HELZ: variants seen among roughly 807,000 people sequenced by gnomAD.
The protein encoded by HELZ is helicase with zinc finger.
HELZ carries 23 observed loss-of-function variants against 218.2 expected under a neutral mutation model. That is an observed-to-expected ratio of 0.11 (90% CI 0.08 to 0.15). The LOEUF is 0.15. Ranked by LOEUF, HELZ falls within the 10% of genes least tolerant of loss-of-function variation. The pLI is 1.00. For synonymous variants in HELZ, 814 were observed against 829.4 expected, an observed-to-expected ratio of 0.98 and a Z score of 0.32; for missense variants, 1,813 against 2,353.7, an observed-to-expected ratio of 0.77 and a Z score of 4.75.
intron 7 of HELZ, among the ~76,000 whole-genome samples, chr17:67,200,154 T>C (rs755493594): frequency 3.3e-4 from 51 of 152,326 alleles, no homozygotes; most frequent in Non-Finnish European, 6.5e-4. Context: ...AATTAATCAC[T>C]GTACATGGGC....
intron 24 of HELZ, among the ~76,000 whole-genome samples, chr17:67,127,854 A>AG (rs1267430236): frequency 3.9e-5 from 6 of 152,036 alleles, no homozygotes; most frequent in Admixed American, 2.6e-4. Flanking sequence ...AAAAAAAAAA[A>AG]AGATTTACAT....
chr17:67,136,709 T>C (rs922899006), intron 22 of HELZ, among the ~76,000 whole-genome samples: 9 of 152,178 alleles, frequency 5.9e-5, no homozygotes, highest in Admixed American at 5.9e-4. Context: ...GGACAAATAC[T>C]ATATAATTCC....
At position 67,093,839 on chromosome 17, in the gene HELZ, T is replaced by A. The variant is rs139655007; in HGVS notation, c.5242-6758A>T. Among the ~76,000 whole-genome samples the A allele has an allele frequency of 3.5e-3, 538 of 152,342 alleles. 4 individuals are homozygous for A. Among genetic ancestry groups the A allele is most frequent in the Non-Finnish European group, 6.5e-3 (443 of 68,024 alleles). On this transcript the variant is annotated intron_variant, in intron 31 of 32. Transcript: ENST00000358691. The stretch of plus-strand genomic sequence containing the variant: ...AAACAAATAAATTGCATTATTTTCA[T>A]ACAATTTCTAAAGTAATTTTAATGT...
In HELZ at chr17:67,073,828, G is replaced by A. The variant is rs570607371; in HGVS notation, c.*4424C>T. 2 of 152,294 alleles carry A rather than the reference G, an allele frequency of 1.3e-5. No homozygotes were observed. The highest frequency in any genetic ancestry group is 3.9e-4 in the East Asian group (2 of 5,188). The allele number at this position is 152,294 out of a possible 1,614,324, so 9.4% of individuals were successfully genotyped here. A position where few individuals can be genotyped will look rare whatever the true frequency, so the allele number is the denominator to read the frequency against. On this transcript the variant is annotated 3_prime_UTR_variant, in exon 33 of 33. Coordinates refer to ENST00000358691, the MANE Select transcript of HELZ (RefSeq NM_014877.4). Reference sequence around the variant, plus strand: ...TTGACATTACTGATTAAAAAGGTATGAAAGTAGAAAGTGTGAATTTAGCAG... The same window carrying A: ...TTGACATTACTGATTAAAAAGGTATAAAAGTAGAAAGTGTGAATTTAGCAG...
intron 31 of HELZ, among the ~76,000 whole-genome samples, chr17:67,101,080 A>C (rs1420573653): frequency 6.7e-6 from 1 of 149,160 alleles, no homozygotes; most frequent in African/African-American, 2.5e-5. Context: ...ACTGCACTGC[A>C]GCCTGGGTGA....
chr17:67,228,357 C>A lies in HELZ; in HGVS notation c.-18-9535G>T, dbSNP rs941115067. Among the ~76,000 whole-genome samples the A allele has an allele frequency of 2.0e-5, 3 of 152,146 alleles. No individual in the cohort carries two copies. In the East Asian group the frequency reaches 5.8e-4, roughly 29 times the overall value. ...TTAAGTTAGTTATTTGCCATTAATT[C>A]TTCTAATTGCTTTCCTTGTGGAAAT... On this transcript the variant is annotated intron_variant, in intron 3 of 32. Coordinates refer to ENST00000358691, the MANE Select transcript of HELZ (RefSeq NM_014877.4).
chr17:67,184,313 T>C (rs1334444294), intron 12 of HELZ, among the ~76,000 whole-genome samples: 1 of 152,242 alleles, frequency 6.6e-6, no homozygotes, highest in Admixed American at 6.5e-5. Context: ...GTGTTATTAT[T>C]AATTTTAGTG....
chr17:67,216,116 C>T (rs1003784116), intron 4 of HELZ, among the ~76,000 whole-genome samples, 181 bp from the exon 5 acceptor site: 8 of 152,118 alleles, frequency 5.3e-5, no homozygotes, highest in African/African-American at 1.4e-4. Context: ...TACAAATAAA[C>T]GTCACAGTAT....
At chr17:67,185,508 G>A (rs2039730017) in intron 12 of HELZ, among the ~76,000 whole-genome samples, 1 of 152,132 alleles carries the variant, frequency 6.6e-6, no homozygotes, top group Non-Finnish European at 1.5e-5. Flanking sequence ...GGGTGGGGAA[G>A]TTATCAAAGA....
intron 10 of HELZ, 139 bp from the exon 11 acceptor site, chr17:67,189,835 C>T: frequency 3.2e-6 from 2 of 626,728 alleles, no homozygotes; most frequent in Non-Finnish European, 2.8e-6. Context: ...CCTTCATTTT[C>T]AGTAATTTTG....
At chr17:67,162,194 T>C (rs2039012854) in intron 15 of HELZ, among the ~76,000 whole-genome samples, 3 of 152,200 alleles carry the variant, frequency 2.0e-5, no homozygotes, top group Non-Finnish European at 1.5e-5. Flanking sequence ...GGTAGGAGCG[T>C]CATCTGAGAC....
At chr17:67,228,068 A>G (rs1189943606) in intron 3 of HELZ, among the ~76,000 whole-genome samples, 4 of 152,232 alleles carry the variant, frequency 2.6e-5, no homozygotes, top group African/African-American at 9.6e-5. Context: ...CCACATAATT[A>G]ACTTAGGTGC....
chr17:67,128,731 G>A lies in HELZ; in HGVS notation c.3307C>T (p.Leu1103=). The A allele has an allele frequency of 6.2e-7, 1 of 1,614,172 alleles. No homozygotes were observed. The highest frequency in any genetic ancestry group is 8.5e-7 in the Non-Finnish European group (1 of 1,180,006). ...ELKKTYVLNP[L]APEFIPRALR... ...GCCCGGGGGATAAATTCAGGTGCCA[G>A]CGGATTCAACACATATGTCTTCTTT... Residue 1103 remains leucine (L), a synonymous_variant, in exon 24 of 33, where the codon CTG becomes TTG. Transcript: ENST00000358691.
At chr17:67,145,404 C>T (rs140940290) in intron 21 of HELZ, among the ~76,000 whole-genome samples, 71 of 152,288 alleles carry the variant, frequency 4.7e-4, no homozygotes, top group African/African-American at 1.4e-3. Flanking sequence ...TAAAATGATA[C>T]ACCTCATTTG....
At position 67,189,626 on chromosome 17, in the gene HELZ, T is replaced by C; in HGVS notation, c.827A>G (p.Lys276Arg). ...PDLSVTVSTK[K>R]SHQTWTFALT... The stretch of plus-strand genomic sequence containing the variant: ...AGCAAAGGTCCATGTCTGGTGGGAT[T>C]TTTTGGTGCTGACAGTAACTGACAG... The change falls in exon 11 of 33, where the codon AAA (lysine) becomes AGA (arginine). Residue 276 changes from lysine (K) to arginine (R), a missense_variant. Lys to Arg is a conservative substitution (Grantham distance 26, BLOSUM62 2). Transcript: ENST00000358691. The C allele has an allele frequency of 6.2e-7, 1 of 1,613,682 alleles. No homozygotes were observed. The highest frequency in any genetic ancestry group is 1.7e-5 in the Admixed American group (1 of 60,016).
rs557132791 is a variant in HELZ, at chr17:67,133,617, C to T, written c.3182+2353G>A. On this transcript the variant is annotated intron_variant, in intron 23 of 32. Coordinates refer to ENST00000358691, the MANE Select transcript of HELZ (RefSeq NM_014877.4). Reference sequence around the variant, plus strand: ...AGAGCCTCAACCTCCTGGGCTCAAACGATCCTCCCACCTCAGCCTCCTGAG... The same window carrying T: ...AGAGCCTCAACCTCCTGGGCTCAAATGATCCTCCCACCTCAGCCTCCTGAG... 1.2e-4 allele frequency among the ~76,000 whole-genome samples: 19 copies of T among 152,240 alleles called. No homozygotes were observed. In the South Asian group the frequency reaches 2.1e-3, roughly 17 times the overall value.
chr17:67,199,996 T>G (rs2040128224), intron 7 of HELZ, among the ~76,000 whole-genome samples: 1 of 152,212 alleles, frequency 6.6e-6, no homozygotes, highest in Non-Finnish European at 1.5e-5. Flanking sequence ...CTCTGTGAAT[T>G]ACACTTACAG....
At chr17:67,084,389 G>A (rs1249506462) in intron 32 of HELZ, among the ~76,000 whole-genome samples, 1 of 152,172 alleles carries the variant, frequency 6.6e-6, no homozygotes, top group East Asian at 1.9e-4. Flanking sequence ...GAGGCCGGGC[G>A]CGGTGGCTCA....
Position 67,071,751 on chromosome 17 carries a change from A to T in HELZ, c.*6501T>A, listed in dbSNP as rs1009256988. The stretch of plus-strand genomic sequence containing the variant: ...TATTATAGGCAGTTTCTTTCTCAAA[A>T]ATAACTTGCTCATACATGTGCACCT... On this transcript the variant is annotated 3_prime_UTR_variant, in exon 33 of 33. Transcript: ENST00000358691. The T allele has an allele frequency of 6.6e-6, 1 of 152,388 alleles. No individual in the cohort carries two copies. The highest frequency in any genetic ancestry group is 2.4e-5 in the African/African-American group (1 of 41,430). The allele number at this position is 152,388 out of a possible 1,614,324, so 9.4% of individuals were successfully genotyped here. A position where few individuals can be genotyped will look rare whatever the true frequency, so the allele number is the denominator to read the frequency against.
Sources: allele counts gnomAD v4.1 joint callset (sites outside exome capture counted in the v4.1 genomes callset), GRCh38; gene constraint gnomAD v4.1.1; transcripts MANE v1.5; gene names NCBI Gene and HGNC (gene_info 2026-07-23, HGNC 2026-07-21).